The following TTN variants were observed in gnomAD, a reference collection of about 807,000 sequenced individuals.
TTN encodes the protein titin, also known as connectin.
TTN carries 1,525 observed loss-of-function variants against 3,223.0 expected under a neutral mutation model. That is an observed-to-expected ratio of 0.47 (90% CI 0.45 to 0.49). The LOEUF is 0.49. TTN is among the 20% of genes least tolerant of loss of function. The pLI is 0.00. For synonymous variants in TTN, 14,094 were observed against 15,161.0 expected (o/e 0.93, Z 5.17); for missense variants, 40,786 against 43,424.0 (o/e 0.94, Z 5.40).
chr2:178,744,395 A>G (rs960104325), intron 47 of TTN: 2 of 984,254 alleles, frequency 2.0e-6, no homozygotes, highest in Non-Finnish European at 2.4e-6. Flanking sequence ...CCTACCCTTC[A>G]TTTTCAGAAT....
chr2:178,670,242 C>T lies in TTN; in HGVS notation c.35362G>A (p.Glu11788Lys), dbSNP rs1235754743. ...CCTTTAGTTGGTGGAACTCTGGGCT[C>T]TTCAGGAACACGTACTTTTTCTTCT... ...VVEEKVRVPE[E>K]PRVPPTKAPE... The change falls in exon 157 of 363, where the codon GAG becomes AAG. Residue 11788 changes from glutamate to lysine, a missense_variant. Transcript: ENST00000589042. The T allele has an allele frequency of 1.3e-6, 2 of 1,495,550 alleles. No homozygotes were observed. Among genetic ancestry groups the T allele is most frequent in the South Asian group, 1.5e-5 (1 of 65,416 alleles). 92.6% of individuals were successfully genotyped at this position (1,495,550 alleles called of 1,614,324 possible). A position where few individuals can be genotyped will look rare whatever the true frequency, so the allele number is the denominator to read the frequency against.
chr2:178,549,882 G>C lies in TTN; in HGVS notation c.91853-13C>G. On this transcript the variant is annotated splice_polypyrimidine_tract_variant and intron_variant, in intron 337 of 362. Coordinates refer to ENST00000589042, the MANE Select transcript of TTN (RefSeq NM_001267550.2). ...TTTCCTGGTGTATCTATAAGAAAAA[G>C]TTTCTAGAGTTAGTTTCTTTTTCCT... The C allele has an allele frequency of 6.5e-7, 1 of 1,539,952 alleles. No individual in the cohort carries two copies. Among genetic ancestry groups the C allele is most frequent in the Non-Finnish European group, 8.7e-7 (1 of 1,147,856 alleles).
In TTN at chr2:178,704,755, A is replaced by G. The variant is rs367712022; in HGVS notation, c.29717T>C (p.Ile9906Thr). 5 of 1,610,332 alleles carry G rather than the reference A, an allele frequency of 3.1e-6. No homozygotes were observed. Among genetic ancestry groups the G allele is most frequent in the Admixed American group, 1.7e-5 (1 of 59,848 alleles). Reference protein sequence around the residue: ...QTEPVTLIKDIENQTVLKDND... With the variant: ...QTEPVTLIKDTENQTVLKDND... ...ATCTTTCAAAACTGTCTGATTTTCA[A>G]TGTCCTTGATCAGAGTGACAGGCTA... Residue 9906 changes from isoleucine (I) to threonine (T), a missense_variant, in exon 105 of 363, where the codon ATT becomes ACT. Physicochemically the swap from Ile to Thr is moderately conservative, Grantham distance 89. Transcript: ENST00000589042.
chr2:178,748,377 C>A (rs2084304635), intron 47 of TTN: 4 of 1,613,174 alleles, frequency 2.5e-6, no homozygotes, highest in Non-Finnish European at 2.5e-6. Context: ...GAAGAAATTT[C>A]TTGACTGGCA....
chr2:178,744,383 G>C, intron 47 of TTN: 1 of 984,376 alleles, frequency 1.0e-6, no homozygotes, highest in Non-Finnish European at 1.2e-6. Context: ...AGGTCTTTTG[G>C]TCCTACCCTT....
chr2:178,747,463 T>C, intron 47 of TTN: 1 of 1,613,426 alleles, frequency 6.2e-7, no homozygotes, highest in Non-Finnish European at 8.5e-7. Flanking sequence ...CAGATATTTC[T>C]TCACTGGTTG....
chr2:178,677,330 A>C, intron 146 of TTN, 43 bp from the exon 147 acceptor site: 22 of 559,480 alleles, frequency 3.9e-5, no homozygotes, highest in Non-Finnish European at 4.9e-5. Flanking sequence ...CCACATATAC[A>C]TGGTCATATA....
intron 138 of TTN, 128 bp from the exon 139 acceptor site, chr2:178,680,459 A>C (rs2069118329): frequency 7.7e-6 from 6 of 780,620 alleles, no homozygotes; most frequent in Non-Finnish European, 1.3e-5. Context: ...GCGATTGTTC[A>C]TCTTTAAGAA....
At position 178,570,103 on chromosome 2, in the gene TTN, T is replaced by C; in HGVS notation, c.76029A>G (p.Lys25343=). 1.2e-6 allele frequency: 2 copies of C among 1,613,450 alleles called. No individual in the cohort carries two copies. The highest frequency in any genetic ancestry group is 1.3e-5 in the African/African-American group (1 of 74,978). The change falls in exon 326 of 363, where the codon AAA becomes AAG. Residue 25343 remains lysine (K), a synonymous_variant. Transcript: ENST00000589042. The part of the protein sequence containing the change: ...GSEILGYVLE[K]RDKEGIRWTR... ...TCCATCTAATGCCTTCTTTATCCCG[T>C]TTCTCAAGAACATATCCAAGAATTT... is the stretch of plus-strand genomic sequence containing the variant.
Position 178,570,112 on chromosome 2 carries a change from A to T in TTN, c.76020T>A (p.Val25340=). ...SDGGSEILGY[V]LEKRDKEGIR... The stretch of plus-strand genomic sequence containing the variant: ...TGCCTTCTTTATCCCGTTTCTCAAG[A>T]ACATATCCAAGAATTTCACTACCAC... The change falls in exon 326 of 363, where the codon GTT becomes GTA. Residue 25340 remains valine, a synonymous_variant. Transcript: ENST00000589042. 1 of 1,613,406 alleles carries T rather than the reference A, an allele frequency of 6.2e-7. No individual in the cohort carries two copies. Among genetic ancestry groups the T allele is most frequent in the Non-Finnish European group, 8.5e-7 (1 of 1,179,582 alleles).
At chr2:178,786,771 C>T (rs569701261) in intron 13 of TTN, among the ~76,000 whole-genome samples, 19 of 152,182 alleles carry the variant, frequency 1.2e-4, no homozygotes, top group Admixed American at 1.1e-3. Flanking sequence ...AAGAGAACCC[C>T]GTGCAAATAA....
At position 178,589,214 on chromosome 2, in the gene TTN, A is replaced by G. The variant is rs369467841; in HGVS notation, c.62511T>C (p.Ser20837=). ...SKFSLTKAKR[S]DGGKYVVTAT... Reference sequence around the variant, plus strand: ...CCGTAACTACATATTTACCCCCATCACTTCGCTTTGCTTTAGTAAGAGAAA... The same window carrying G: ...CCGTAACTACATATTTACCCCCATCGCTTCGCTTTGCTTTAGTAAGAGAAA... The change falls in exon 304 of 363, where the codon AGT becomes AGC. Residue 20837 remains serine, a synonymous_variant. Transcript: ENST00000589042. 4.4e-5 allele frequency: 71 copies of G among 1,613,468 alleles called. No individual in the cohort carries two copies. The African/African-American group carries it at 6.9e-4, about 16-fold the overall frequency.
intron 46 of TTN, among the ~76,000 whole-genome samples, chr2:178,755,326 C>T (rs945249967): frequency 6.6e-6 from 1 of 152,094 alleles, no homozygotes; most frequent in Non-Finnish European, 1.5e-5. Flanking sequence ...TATACAATTC[C>T]AGGAGGATTT....
chr2:178,689,750 T>C, intron 122 of TTN, 63 bp downstream of exon 122: 1 of 1,523,116 alleles, frequency 6.6e-7, no homozygotes, highest in Non-Finnish European at 8.9e-7. Flanking sequence ...GAACAGATAA[T>C]TAAACACAAC....
rs778505099 is a variant in TTN at position 178,789,347 on chromosome 2, C to T, written c.2076+13G>A. ...ATAATAGGGGATTTCACACTTGGAACAACAATAGTCACCTTTCCATGGGTA... is the reference window on the plus strand; with the variant it reads ...ATAATAGGGGATTTCACACTTGGAATAACAATAGTCACCTTTCCATGGGTA... On this transcript the variant is annotated intron_variant, in intron 13 of 362. Coordinates refer to ENST00000589042, the MANE Select transcript of TTN (RefSeq NM_001267550.2). The T allele has an allele frequency of 1.5e-5, 24 of 1,612,958 alleles. No homozygotes were observed. The Middle Eastern group carries it at 8.3e-4, about 56-fold the overall frequency.
At chr2:178,758,590 G>A (rs539311672) in intron 44 of TTN, among the ~76,000 whole-genome samples, 1 of 152,300 alleles carries the variant, frequency 6.6e-6, no homozygotes, top group East Asian at 1.9e-4. Flanking sequence ...AATTGTGTCA[G>A]CATGATAGGA....
intron 6 of TTN, chr2:178,798,875 G>A (rs753903112): frequency 5.2e-5 from 8 of 153,952 alleles, no homozygotes; most frequent in Non-Finnish European, 8.7e-5. Context: ...TTTGTCCTTA[G>A]GGCTTTGAAC....
intron 86 of TTN, 37 bp downstream of exon 86, chr2:178,717,906 A>T (rs765824493): frequency 6.3e-7 from 1 of 1,581,744 alleles, no homozygotes; most frequent in South Asian, 1.2e-5. Flanking sequence ...AAGAAAATGA[A>T]TCTGTTCACA....
chr2:178,677,254 T>C lies in TTN; in HGVS notation c.34325A>G (p.Lys11442Arg). 1 of 1,220,868 alleles carries C rather than the reference T, an allele frequency of 8.2e-7. No homozygotes were observed. The highest frequency in any genetic ancestry group is 1.0e-6 in the Non-Finnish European group (1 of 982,016). 75.6% of individuals were successfully genotyped at this position (1,220,868 alleles called of 1,614,324 possible). The change falls in exon 147 of 363, where the codon AAG becomes AGG. Residue 11442 changes from lysine (K) to arginine (R), a missense_variant. Physicochemically the swap from Lys to Arg is conservative, Grantham distance 26 (BLOSUM62 2). Transcript: ENST00000589042. ...TTTAGGGGCGGGAACAGGGACTTTC[T>C]TCTCTGGTACAGGTTTCTTTGGCAC... ...PEVPKKPVPE[K>R]KVPVPAPKKV...
Sources: allele counts gnomAD v4.1 joint callset (sites outside exome capture counted in the v4.1 genomes callset), GRCh38; gene constraint gnomAD v4.1.1; transcripts MANE v1.5; gene names NCBI Gene and HGNC (gene_info 2026-07-23, HGNC 2026-07-21).